Variants in MYO3B observed in about 807,000 individuals in gnomAD.
MYO3B encodes the protein myosin-IIIb.
A neutral mutation model predicts 174.6 loss-of-function variants in MYO3B; 156 were observed. That is an observed-to-expected ratio of 0.89 (90% CI 0.78 to 1.02). The LOEUF (loss-of-function observed/expected upper bound fraction) is 1.02, where lower values mean the gene tolerates loss of function less well. Ranked by LOEUF, MYO3B falls within the 50% of genes least tolerant of loss-of-function variation. The pLI is 0.00. For missense variants in MYO3B, 1,632 were observed against 1,639.4 expected, an observed-to-expected ratio of 1.00 and a Z score of 0.08; for synonymous variants, 563 against 569.1, an observed-to-expected ratio of 0.99 and a Z score of 0.15.
At chr2:170,378,155 T>C (rs770402498) in intron 9 of MYO3B, among the ~76,000 whole-genome samples, 7 of 152,306 alleles carry the variant, frequency 4.6e-5, no homozygotes, top group Non-Finnish European at 8.8e-5. Context: ...ACGCTTTTTA[T>C]AAGCTTATGC....
intron 7 of MYO3B, among the ~76,000 whole-genome samples, chr2:170,326,132 C>CTT (rs1039421690): frequency 7.0e-6 from 1 of 142,036 alleles, no homozygotes; most frequent in Non-Finnish European, 1.5e-5. Flanking sequence ...ACATATAAAG[C>CTT]TTTTTTTTTT....
intron 16 of MYO3B, among the ~76,000 whole-genome samples, chr2:170,399,267 G>GA (rs2094460103): frequency 2.2e-5 from 1 of 45,236 alleles, no homozygotes; most frequent in Non-Finnish European, 4.4e-5. Flanking sequence ...AAAAAAAAAA[G>GA]AGAGAGACCA....
In MYO3B at chr2:170,514,986, G is replaced by A. The variant is rs775746695; in HGVS notation, c.3436G>A (p.Glu1146Lys). The A allele has an allele frequency of 3.5e-5, 56 of 1,613,942 alleles. No homozygotes were observed. The highest frequency in any genetic ancestry group is 1.9e-4 in the African/African-American group (14 of 74,914). ...CGCAGCAGGTACGAGGGGAAGTGCC[G>A]AGGTTCAAGACTGCAGCGAGCCTGG... Reference protein sequence around the residue: ...PVAAGTRGSAEVQDCSEPGDH... With the variant: ...PVAAGTRGSAKVQDCSEPGDH... Residue 1146 changes from glutamate (E) to lysine (K), a missense_variant, in exon 29 of 35, where the codon GAG (glutamate) becomes AAG (lysine). Physicochemically the swap from Glu to Lys is moderately conservative, Grantham distance 56. Coordinates refer to ENST00000408978, the MANE Select transcript of MYO3B (RefSeq NM_138995.5).
At chr2:170,272,935 C>CT (rs2093435973) in intron 7 of MYO3B, among the ~76,000 whole-genome samples, 1 of 152,164 alleles carries the variant, frequency 6.6e-6, no homozygotes, top group Non-Finnish European at 1.5e-5. Flanking sequence ...TGTCTGGATT[C>CT]TGTTACAGCA....
intron 22 of MYO3B, among the ~76,000 whole-genome samples, chr2:170,435,404 T>G (rs1430596473): frequency 6.6e-6 from 1 of 152,164 alleles, no homozygotes; most frequent in East Asian, 1.9e-4. Context: ...GAAGAGCTGA[T>G]GAGTCTTTCA....
At chr2:170,489,634 G>GGGGTGTGTGTGT (rs1553507396) in intron 25 of MYO3B, among the ~76,000 whole-genome samples, 13 of 139,394 alleles carry the variant, frequency 9.3e-5, no homozygotes, top group South Asian at 4.9e-4. Flanking sequence ...AACCAGTAGG[G>GGGGTGTGTGTGT]GTGTGTGTGT....
rs1474130228 is a variant in MYO3B at position 170,466,616 on chromosome 2, G to C, written c.2919G>C (p.Val973=). 1.2e-6 allele frequency: 2 copies of C among 1,614,122 alleles called. No homozygotes were observed. Among genetic ancestry groups the C allele is most frequent in the East Asian group, 4.5e-5 (2 of 44,894 alleles). ...REALQFSRER[V]LAQLRSTGIL... ...CCCTGCAGTTCTCTCGAGAGAGGGT[G>C]CTGGCCCAGCTCCGCTCCACAGGGA... is the stretch of plus-strand genomic sequence containing the variant. Residue 973 remains valine (V), a synonymous_variant, in exon 25 of 35, where the codon GTG becomes GTC. Coordinates refer to ENST00000408978, the MANE Select transcript of MYO3B (RefSeq NM_138995.5).
At chr2:170,184,907 A>G (rs2092444814) in intron 1 of MYO3B, among the ~76,000 whole-genome samples, 1 of 152,100 alleles carries the variant, frequency 6.6e-6, no homozygotes, top group African/African-American at 2.4e-5. Context: ...ATGATATCTG[A>G]TTGTAATTTT....
At chr2:170,397,212 C>A (rs7579463) in intron 16 of MYO3B, among the ~76,000 whole-genome samples, 70,058 of 152,076 alleles carry the variant, frequency 0.46, 16,707 homozygotes, top group Non-Finnish European at 0.55. Context: ...GTAGAAGCCT[C>A]GTTTAAAATC....
At chr2:170,396,499 A>G (rs2094442736) in intron 16 of MYO3B, among the ~76,000 whole-genome samples, 1 of 152,128 alleles carries the variant, frequency 6.6e-6, no homozygotes, top group African/African-American at 2.4e-5. Flanking sequence ...GCCCAGAAAT[A>G]TAAACTCCTT....
Position 170,214,844 on chromosome 2 carries a change from C to T in MYO3B, c.526+16C>T, listed in dbSNP as rs747294806. Reference sequence around the variant, plus strand: ...GTTGACTTTGGTAATGACTGCTTGTCGTTTGTTTTCTTGACGTGTGCAGTT... The same window carrying T: ...GTTGACTTTGGTAATGACTGCTTGTTGTTTGTTTTCTTGACGTGTGCAGTT... On this transcript the variant is annotated intron_variant, in intron 5 of 34. Transcript: ENST00000408978. 52 of 1,596,110 alleles carry T rather than the reference C, an allele frequency of 3.3e-5. No homozygotes were observed. Among genetic ancestry groups the T allele is most frequent in the Non-Finnish European group, 4.0e-5 (47 of 1,163,944 alleles).
chr2:170,485,441 AGAGC>A (rs1258549552), intron 25 of MYO3B, among the ~76,000 whole-genome samples: 1 of 151,448 alleles, frequency 6.6e-6, no homozygotes. Context: ...AGAGAGAGAG[AGAGC>A]GAGTGAGTTA....
intron 32 of MYO3B, among the ~76,000 whole-genome samples, chr2:170,615,723 T>C (rs966340802): frequency 7.2e-5 from 11 of 152,278 alleles, no homozygotes; most frequent in Middle Eastern, 3.4e-3. Flanking sequence ...CCAGGTGTAT[T>C]GGCAGGTTGA....
intron 23 of MYO3B, among the ~76,000 whole-genome samples, chr2:170,449,412 G>A (rs771864567): frequency 6.6e-6 from 1 of 152,166 alleles, no homozygotes; most frequent in Admixed American, 6.5e-5. Flanking sequence ...TAGAGAGAAA[G>A]CAATATGCTC....
intron 7 of MYO3B, among the ~76,000 whole-genome samples, chr2:170,328,111 A>G (rs372087819): frequency 1.3e-5 from 2 of 152,146 alleles, no homozygotes; most frequent in Admixed American, 6.5e-5. Flanking sequence ...TGTATTGCCC[A>G]GGCTGATCTT....
At chr2:170,601,628 TTCATCTTCC>T (rs1347482573) in intron 32 of MYO3B, 81 of 1,287,120 alleles carry the variant, frequency 6.3e-5, no homozygotes, top group Non-Finnish European at 8.2e-5. Context: ...CATCATCTTC[TTCATCTTCC>T]TCCTCATAAT....
intron 8 of MYO3B, among the ~76,000 whole-genome samples, chr2:170,345,572 T>C (rs1179002884): frequency 1.3e-5 from 2 of 152,026 alleles, no homozygotes; most frequent in East Asian, 3.9e-4. Flanking sequence ...AATGAGAATT[T>C]TTGCCTTTAA....
intron 18 of MYO3B, 103 bp from the exon 19 acceptor site, chr2:170,402,745 G>T: frequency 9.1e-7 from 1 of 1,104,662 alleles, no homozygotes; most frequent in Non-Finnish European, 1.2e-6. Context: ...ATGAGTGGGT[G>T]AATTGGGTAC....
chr2:170,409,673 A>AAT (rs1333592042), intron 22 of MYO3B, among the ~76,000 whole-genome samples: 1 of 152,262 alleles, frequency 6.6e-6, no homozygotes, highest in African/African-American at 2.4e-5. Flanking sequence ...AGCTTCTAGT[A>AAT]ATAAGGTACT....
Sources: gnomAD v4.1 joint callset for allele counts (sites outside exome capture counted in the v4.1 genomes callset) on GRCh38, gnomAD v4.1.1 for gene constraint, MANE v1.5 for transcripts, NCBI Gene and HGNC (gene_info 2026-07-23, HGNC 2026-07-21) for gene names.